Variants in SDCCAG8 observed in about 807,000 individuals in gnomAD.
The protein encoded by SDCCAG8 is serologically defined colon cancer antigen 8.
A neutral mutation model predicts 101.8 loss-of-function variants in SDCCAG8; 74 were observed. The observed-to-expected ratio is 0.73, with a 90% CI of 0.60 to 0.88. SDCCAG8 has a LOEUF of 0.88. Ranked by LOEUF, SDCCAG8 falls within the 40% of genes least tolerant of loss-of-function variation. The pLI is 0.00. For synonymous variants in SDCCAG8, 281 were observed against 292.9 expected, an observed-to-expected ratio of 0.96 and a Z score of 0.41; for missense variants, 787 against 822.6, an observed-to-expected ratio of 0.96 and a Z score of 0.53.
intron 10 of SDCCAG8, among the ~76,000 whole-genome samples, chr1:243,333,255 A>G (rs144350315): frequency 1.3e-5 from 2 of 152,234 alleles, no homozygotes; most frequent in Non-Finnish European, 2.9e-5. Context: ...TCTTTCCTTC[A>G]CTACAGTCTC....
intron 12 of SDCCAG8, among the ~76,000 whole-genome samples, chr1:243,366,303 G>A (rs546256213): frequency 5.9e-5 from 9 of 151,762 alleles, no homozygotes; most frequent in African/African-American, 1.7e-4. Context: ...GCTTTAGTGT[G>A]GTTTTTATAT....
At chr1:243,422,333 G>T (rs1384061472) in intron 15 of SDCCAG8, among the ~76,000 whole-genome samples, 1 of 152,128 alleles carries the variant, frequency 6.6e-6, no homozygotes, top group Non-Finnish European at 1.5e-5. Context: ...TGATCATTAA[G>T]ATTTGAATTC....
chr1:243,309,360 C>T (rs1054925973), intron 8 of SDCCAG8, among the ~76,000 whole-genome samples: 3 of 152,150 alleles, frequency 2.0e-5, no homozygotes, highest in African/African-American at 7.2e-5. Context: ...TAGAGAAAAC[C>T]TATATAGTAC....
chr1:243,381,333 C>A (rs1201995015), intron 13 of SDCCAG8, among the ~76,000 whole-genome samples: 1 of 152,102 alleles, frequency 6.6e-6, no homozygotes, highest in Non-Finnish European at 1.5e-5. Flanking sequence ...TCACACCTGT[C>A]ATTCCAACAC....
intron 10 of SDCCAG8, among the ~76,000 whole-genome samples, chr1:243,340,034 T>G (rs930369245): frequency 2.0e-5 from 3 of 152,178 alleles, no homozygotes; most frequent in African/African-American, 7.2e-5. Context: ...AAAGGATAAA[T>G]CTAAGATCTA....
chr1:243,449,500 G>A (rs974146086), intron 16 of SDCCAG8, among the ~76,000 whole-genome samples: 2 of 152,144 alleles, frequency 1.3e-5, no homozygotes, highest in Non-Finnish European at 2.9e-5. Flanking sequence ...TGGGAAACAC[G>A]TTTCTTCTTT....
At chr1:243,383,867 C>G (rs998172014) in intron 13 of SDCCAG8, among the ~76,000 whole-genome samples, 2 of 152,132 alleles carry the variant, frequency 1.3e-5, no homozygotes, top group Non-Finnish European at 1.5e-5. Flanking sequence ...AATGTCAGTA[C>G]ACATAGCTCC....
At chr1:243,413,985 C>T (rs1474895204) in intron 13 of SDCCAG8, among the ~76,000 whole-genome samples, 1 of 152,180 alleles carries the variant, frequency 6.6e-6, no homozygotes, top group African/African-American at 2.4e-5. Context: ...AAGAGTATAA[C>T]AACATCCAAT....
At chr1:243,411,698 G>T (rs2080192239) in intron 13 of SDCCAG8, among the ~76,000 whole-genome samples, 1 of 152,072 alleles carries the variant, frequency 6.6e-6, no homozygotes, top group African/African-American at 2.4e-5. Flanking sequence ...ATATGTCTTT[G>T]GTGTCTGGCT....
At chr1:243,394,886 G>T (rs1267722014) in intron 13 of SDCCAG8, among the ~76,000 whole-genome samples, 1 of 151,682 alleles carries the variant, frequency 6.6e-6, no homozygotes, top group Non-Finnish European at 1.5e-5. Flanking sequence ...TTGTGTTTCA[G>T]GTGTTAGTAT....
At position 243,403,991 on chromosome 1, in the gene SDCCAG8, T is replaced by C. The variant is rs78479382; in HGVS notation, c.1617-11711T>C. 1.6e-3 allele frequency among the ~76,000 whole-genome samples: 239 copies of C among 152,302 alleles called. 2 individuals carry two copies. Among genetic ancestry groups the C allele is most frequent in the African/African-American group, 5.7e-3 (237 of 41,566 alleles). ...CCAAAAAGGCTGGGGACCACTGACT[T>C]AGGGCACACAGCTGCTAAGTGGAGG... On this transcript the variant is annotated intron_variant, in intron 13 of 17. Transcript: ENST00000366541.
At chr1:243,336,618 C>G (rs2075029730) in intron 10 of SDCCAG8, among the ~76,000 whole-genome samples, 1 of 152,094 alleles carries the variant, frequency 6.6e-6, no homozygotes, top group Non-Finnish European at 1.5e-5. Context: ...TAAGAACTCG[C>G]TATCATGAGA....
chr1:243,411,634 T>C (rs1558430686), intron 13 of SDCCAG8, among the ~76,000 whole-genome samples: 2 of 152,190 alleles, frequency 1.3e-5, no homozygotes, highest in Admixed American at 6.5e-5. Flanking sequence ...GCGGATCTAC[T>C]TTCTGTCCCT....
intron 15 of SDCCAG8, among the ~76,000 whole-genome samples, chr1:243,420,756 C>G (rs1346789655): frequency 6.6e-6 from 1 of 152,112 alleles, no homozygotes. Flanking sequence ...GTTGTTTGTT[C>G]TTAATTTCTT....
intron 3 of SDCCAG8, 66 bp downstream of exon 3, chr1:243,271,129 G>A: frequency 8.5e-7 from 1 of 1,172,902 alleles, no homozygotes; most frequent in South Asian, 1.2e-5. Context: ...TTATTTTGTA[G>A]TACATGTTGC....
At chr1:243,436,635 A>T (rs918183586) in intron 16 of SDCCAG8, among the ~76,000 whole-genome samples, 1 of 152,226 alleles carries the variant, frequency 6.6e-6, no homozygotes, top group African/African-American at 2.4e-5. Flanking sequence ...AACAGAGTTT[A>T]ACTTCTACTC....
chr1:243,469,830 GTTTTTTTTTTTT>G (rs746906257), intron 16 of SDCCAG8, among the ~76,000 whole-genome samples: 21 of 123,530 alleles, frequency 1.7e-4, no homozygotes, highest in Admixed American at 6.5e-4. Context: ...GAAAGTGTTG[GTTTTTTTTTTTT>G]TTTTTTTTTA....
chr1:243,341,535 C>T (rs1419047983), intron 11 of SDCCAG8, among the ~76,000 whole-genome samples: 5 of 152,000 alleles, frequency 3.3e-5, no homozygotes, highest in Non-Finnish European at 4.4e-5. Context: ...TTGTTTTTGC[C>T]GTAGATAGCA....
At chr1:243,325,133 C>T (rs998116261) in intron 9 of SDCCAG8, among the ~76,000 whole-genome samples, 8 of 152,164 alleles carry the variant, frequency 5.3e-5, no homozygotes, top group Non-Finnish European at 1.5e-5. Flanking sequence ...TGACATCTAT[C>T]ATTGTATTTC....
Sources: allele counts gnomAD v4.1 joint callset (sites outside exome capture counted in the v4.1 genomes callset), GRCh38; gene constraint gnomAD v4.1.1; transcripts MANE v1.5; gene names NCBI Gene and HGNC (gene_info 2026-07-23, HGNC 2026-07-21).